RNF175: variants seen among roughly 807,000 people sequenced by gnomAD.
RNF175 encodes ring finger protein 175.
In RNF175, 38 loss-of-function variants were observed where a neutral mutation model predicts 50.0. The ratio of observed to expected loss-of-function variants is 0.76; its 90% CI spans 0.59 to 1.00. The LOEUF (loss-of-function observed/expected upper bound fraction) is 1.00. RNF175 is among the 50% of genes least tolerant of loss of function. The pLI is 0.00. For missense variants in RNF175, 388 were observed against 409.6 expected, an observed-to-expected ratio of 0.95 and a Z score of 0.46; for synonymous variants, 155 against 146.1, an observed-to-expected ratio of 1.06 and a Z score of -0.44.
At chr4:153,753,695 C>A (rs914524377) in intron 1 of RNF175, among the ~76,000 whole-genome samples, 2 of 151,594 alleles carry the variant, frequency 1.3e-5, no homozygotes, top group Admixed American at 6.6e-5. Context: ...GTAGCTGGGA[C>A]TACAGGCACT....
At chr4:153,726,925 C>T (rs549400580) in intron 4 of RNF175, among the ~76,000 whole-genome samples, 110 of 152,242 alleles carry the variant, frequency 7.2e-4, no homozygotes, top group African/African-American at 2.5e-3. Context: ...GGAAAGAGAG[C>T]GGACATATGC....
Position 153,728,202 on chromosome 4 carries a change from C to T in RNF175, c.401+5G>A. The stretch of plus-strand genomic sequence containing the variant: ...TCCTGGGGAAGGAATGTATGGAATA[C>T]ATACCGTGGTGTCCTTCCTGAGAGG... On this transcript the variant is annotated splice_donor_5th_base_variant and intron_variant, in intron 4 of 8. Coordinates refer to ENST00000347063, the MANE Select transcript of RNF175 (RefSeq NM_173662.4). 1.2e-6 allele frequency: 2 copies of T among 1,607,652 alleles called. No individual in the cohort carries two copies.
At chr4:153,752,933 T>TA (rs1049052625) in intron 1 of RNF175, among the ~76,000 whole-genome samples, 7 of 151,158 alleles carry the variant, frequency 4.6e-5, no homozygotes, top group Middle Eastern at 3.2e-3. Context: ...TAACTGTGTT[T>TA]AAAAAAAAAG....
chr4:153,736,737 G>A (rs566455375), intron 3 of RNF175, among the ~76,000 whole-genome samples: 1 of 152,228 alleles, frequency 6.6e-6, no homozygotes, highest in African/African-American at 2.4e-5. Context: ...GCGAGTTTTG[G>A]TATAGTTTGT....
At chr4:153,759,231 A>C (rs1740705507) in intron 1 of RNF175, among the ~76,000 whole-genome samples, 1 of 152,230 alleles carries the variant, frequency 6.6e-6, no homozygotes, top group African/African-American at 2.4e-5. Context: ...GTTGAGCACC[A>C]GGCAAGACAA....
At chr4:153,730,675 A>G (rs1345550577) in intron 3 of RNF175, among the ~76,000 whole-genome samples, 1 of 152,162 alleles carries the variant, frequency 6.6e-6, no homozygotes, top group Non-Finnish European at 1.5e-5. Context: ...ATTTCCCCAT[A>G]AAATACTGGA....
At chr4:153,720,410 AT>A (rs200372656) in intron 5 of RNF175, 106 bp from the exon 6 acceptor site, 3,554 of 755,518 alleles carry the variant, frequency 4.7e-3, no homozygotes, top group South Asian at 6.7e-3. Context: ...CCTTGTGGGT[AT>A]TTTTTTTTTC....
Position 153,720,184 on chromosome 4 carries a change from C to T in RNF175, c.630G>A (p.Gly210=). The T allele has an allele frequency of 1.2e-6, 2 of 1,613,582 alleles. No homozygotes were observed. Among genetic ancestry groups the T allele is most frequent in the Non-Finnish European group, 1.7e-6 (2 of 1,179,658 alleles). The change falls in exon 6 of 9, where the codon GGG becomes GGA. Residue 210 remains glycine, a splice_region_variant and synonymous_variant. Transcript: ENST00000347063. ...TTCAGAAAATGAAAGCAACACTTAC[C>T]CCTATAGTGGAAGCCATGTAGTCTG... The part of the protein sequence containing the change: ...ICSDYMASTI[G]FYSVSRLPTR...
Position 153,715,535 on chromosome 4 carries a change from T to C in RNF175, c.758A>G (p.Asn253Ser), listed in dbSNP as rs1263224435. Reference protein sequence around the residue: ...LIENTYQLSCNHVFHEFCIRG... With the variant: ...LIENTYQLSCSHVFHEFCIRG... ...TTTCCTTTGAAAAGGATACACATGA[T>C]TACAGGAAAGCTGGTAGGTGTTTTC... The change falls in exon 7 of 9, where the codon AAT (asparagine) becomes AGT (serine). Residue 253 changes from asparagine (N) to serine (S), a missense_variant. Coordinates refer to ENST00000347063, the MANE Select transcript of RNF175 (RefSeq NM_173662.4). 3.1e-6 allele frequency: 5 copies of C among 1,592,680 alleles called. No homozygotes were observed. The African/African-American group carries it at 6.7e-5, about 21-fold the overall frequency.
At chr4:153,724,038 G>C (rs564356672) in intron 4 of RNF175, among the ~76,000 whole-genome samples, 1 of 152,258 alleles carries the variant, frequency 6.6e-6, no homozygotes, top group Non-Finnish European at 1.5e-5. Flanking sequence ...AGAGCCCCAG[G>C]CTATTTCCTT....
At chr4:153,755,886 TA>T (rs1476853644) in intron 1 of RNF175, among the ~76,000 whole-genome samples, 2 of 152,252 alleles carry the variant, frequency 1.3e-5, no homozygotes, top group East Asian at 3.8e-4. Context: ...GATTCATATT[TA>T]CTGACATAGA....
At chr4:153,748,843 A>AAAAAAAAAAAC in intron 2 of RNF175, 57 bp from the exon 3 acceptor site, 1 of 1,487,218 alleles carries the variant, frequency 6.7e-7, no homozygotes, top group Non-Finnish European at 9.0e-7. Context: ...GCATTTAGCA[A>AAAAAAAAAAAC]AAAAAACAAA....
intron 6 of RNF175, among the ~76,000 whole-genome samples, chr4:153,716,121 G>A (rs1737913308): frequency 6.6e-6 from 1 of 150,794 alleles, no homozygotes; most frequent in South Asian, 2.1e-4. Context: ...TTTAGAATGT[G>A]AGACACCGTT....
chr4:153,728,661 G>A (rs1175626135), intron 3 of RNF175, among the ~76,000 whole-genome samples: 2 of 152,164 alleles, frequency 1.3e-5, no homozygotes, highest in Non-Finnish European at 2.9e-5. Context: ...ATGTGATTTT[G>A]GACAAGGGAG....
chr4:153,752,347 T>G (rs1400984845), intron 1 of RNF175, among the ~76,000 whole-genome samples: 4 of 152,168 alleles, frequency 2.6e-5, no homozygotes, highest in African/African-American at 4.8e-5. Flanking sequence ...AACTCAACAC[T>G]TGAGCCCAGA....
At position 153,734,665 on chromosome 4, in the gene RNF175, C is replaced by CTTTTTTTTTTTT. The variant is rs56211482; in HGVS notation, c.247-6316_247-6305dup. On this transcript the variant is annotated intron_variant, in intron 3 of 8. Coordinates refer to ENST00000347063, the MANE Select transcript of RNF175 (RefSeq NM_173662.4). ...TCCAAGTCTGGCTTGTTTTTTTATT[C>CTTTTTTTTTTTT]TTTTTTTTTTTTTTTTTTTTTTTTT... Among the ~76,000 whole-genome samples, 292 of 73,160 alleles carry CTTTTTTTTTTTT rather than the reference C, an allele frequency of 4.0e-3. 6 individuals are homozygous for CTTTTTTTTTTTT. The highest frequency in any genetic ancestry group is 0.011 in the Middle Eastern group (1 of 90). The allele number at this position is 73,160 out of a possible 152,430, so 48.0% of individuals were successfully genotyped here. A position where few individuals can be genotyped will look rare whatever the true frequency, so the allele number is the denominator to read the frequency against.
chr4:153,714,330 T>C (rs1737773900), intron 7 of RNF175: 1 of 152,210 alleles, frequency 6.6e-6, no homozygotes, highest in Non-Finnish European at 1.5e-5. Context: ...TTTGTGTTTC[T>C]TCCCTTAAGA....
chr4:153,720,181 T>C lies in RNF175; in HGVS notation c.630+3A>G, dbSNP rs775134113. 6.2e-7 allele frequency: 1 copy of C among 1,613,526 alleles called. No individual in the cohort carries two copies. Among genetic ancestry groups the C allele is most frequent in the Non-Finnish European group, 8.5e-7 (1 of 1,179,574 alleles). On this transcript the variant is annotated splice_donor_region_variant and intron_variant, in intron 6 of 8. Coordinates refer to ENST00000347063, the MANE Select transcript of RNF175 (RefSeq NM_173662.4). ...GGTTTCAGAAAATGAAAGCAACACT[T>C]ACCCCTATAGTGGAAGCCATGTAGT...
chr4:153,744,500 T>C (rs371814060), intron 3 of RNF175, among the ~76,000 whole-genome samples: 65 of 152,288 alleles, frequency 4.3e-4, no homozygotes, highest in African/African-American at 1.5e-3. Context: ...TCCTGGAGCA[T>C]TGTTTCCTTT....
Sources: allele counts gnomAD v4.1 joint callset (sites outside exome capture counted in the v4.1 genomes callset), GRCh38; gene constraint gnomAD v4.1.1; transcripts MANE v1.5; gene names NCBI Gene and HGNC (gene_info 2026-07-23, HGNC 2026-07-21).